The following LSM3 variants were observed in gnomAD, a reference collection of about 807,000 sequenced individuals.
LSM3 encodes LSM3 homolog, U6 small nuclear RNA and mRNA degradation associated.
In LSM3, 14 loss-of-function variants were observed where a neutral mutation model predicts 15.4. That is an observed-to-expected ratio of 0.91 (90% CI 0.60 to 1.42). The LOEUF (loss-of-function observed/expected upper bound fraction) is 1.42. Among genes scored for constraint, LSM3 ranks in the 40% most tolerant of loss-of-function variants. LSM3 has a pLI of 0.00. For missense variants in LSM3, 88 were observed against 127.9 expected (o/e 0.69, Z 1.50); for synonymous variants, 46 against 45.1 (o/e 1.02, Z -0.08).
chr3:14,197,706 T>C (rs1697198687), intron 3 of LSM3, among the ~76,000 whole-genome samples: 1 of 152,254 alleles, frequency 6.6e-6, no homozygotes, highest in Non-Finnish European at 1.5e-5. Flanking sequence ...TCTGGGTCAG[T>C]CTGGATATAG....
chr3:14,182,890 A>G (rs1272131394), intron 2 of LSM3, among the ~76,000 whole-genome samples: 2 of 152,186 alleles, frequency 1.3e-5, no homozygotes, highest in South Asian at 4.1e-4. Context: ...ACTCTTAAGT[A>G]CTGTGGTTCC....
intron 3 of LSM3, among the ~76,000 whole-genome samples, chr3:14,193,220 C>T (rs1697157252): frequency 6.6e-6 from 1 of 152,150 alleles, no homozygotes; most frequent in African/African-American, 2.4e-5. Flanking sequence ...TTTTTTCCTT[C>T]ATTTCAACCT....
intron 3 of LSM3, among the ~76,000 whole-genome samples, chr3:14,187,659 C>T (rs941283839): frequency 1.3e-5 from 2 of 152,214 alleles, no homozygotes; most frequent in Non-Finnish European, 2.9e-5. Flanking sequence ...ATTTCGCTCT[C>T]TCTCTCGTCT....
rs115217939 is a variant in LSM3, at chr3:14,186,942, C to G, written c.228+2910C>G. Among the ~76,000 whole-genome samples, 862 of 152,294 alleles carry G rather than the reference C, an allele frequency of 5.7e-3. 7 individuals are homozygous for G. Among genetic ancestry groups the G allele is most frequent in the African/African-American group, 0.02 (826 of 41,564 alleles). Reference sequence around the variant, plus strand: ...ATATGGAATATGTGGCTTTAATATTCTGCTTTATTCATGTAACATCATTAA... The same window carrying G: ...ATATGGAATATGTGGCTTTAATATTGTGCTTTATTCATGTAACATCATTAA... On this transcript the variant is annotated intron_variant, in intron 3 of 3. Coordinates refer to ENST00000306024, the MANE Select transcript of LSM3 (RefSeq NM_014463.3).
At chr3:14,180,623 T>A (rs1697025210) in intron 1 of LSM3, among the ~76,000 whole-genome samples, 1 of 151,896 alleles carries the variant, frequency 6.6e-6, no homozygotes, top group Admixed American at 6.6e-5. Flanking sequence ...TATTTTCTGT[T>A]TTCCTGGCAC....
intron 3 of LSM3, among the ~76,000 whole-genome samples, chr3:14,189,951 A>G (rs1487834040): frequency 2.0e-5 from 3 of 152,088 alleles, no homozygotes; most frequent in Non-Finnish European, 2.9e-5. Flanking sequence ...TAAGTCTTTG[A>G]TCCATCTTGA....
intron 1 of LSM3, among the ~76,000 whole-genome samples, chr3:14,180,018 T>C (rs1167047251): frequency 1.3e-5 from 2 of 152,354 alleles, no homozygotes; most frequent in South Asian, 4.1e-4. Flanking sequence ...CTGAGGGACA[T>C]AGGGACCAGT....
At chr3:14,196,888 C>T (rs762025920) in intron 3 of LSM3, among the ~76,000 whole-genome samples, 2 of 152,196 alleles carry the variant, frequency 1.3e-5, no homozygotes, top group African/African-American at 2.4e-5. Context: ...TACATCCAAA[C>T]AATTCAAAGG....
chr3:14,193,738 G>A (rs551219019), intron 3 of LSM3, among the ~76,000 whole-genome samples: 15 of 152,232 alleles, frequency 9.9e-5, no homozygotes, highest in Middle Eastern at 3.4e-3. Context: ...CATTTAGCTC[G>A]GAGTTGTTTG....
At chr3:14,195,093 G>A (rs893772975) in intron 3 of LSM3, among the ~76,000 whole-genome samples, 9 of 152,100 alleles carry the variant, frequency 5.9e-5, no homozygotes, top group East Asian at 5.8e-4. Flanking sequence ...ATTATTCTAC[G>A]TAGGTTTCCT....
intron 1 of LSM3, among the ~76,000 whole-genome samples, chr3:14,179,910 C>G (rs1252144936): frequency 1.3e-5 from 2 of 152,202 alleles, no homozygotes; most frequent in East Asian, 3.8e-4. Context: ...GTATGCCTCT[C>G]CACAGTAGAA....
intron 3 of LSM3, among the ~76,000 whole-genome samples, chr3:14,187,339 C>A (rs996208996): frequency 6.6e-6 from 1 of 152,224 alleles, no homozygotes; most frequent in African/African-American, 2.4e-5. Context: ...TGCATGTGGC[C>A]TCTCTTGCGC....
chr3:14,190,079 A>C (rs2124823811), intron 3 of LSM3, among the ~76,000 whole-genome samples: 1 of 152,218 alleles, frequency 6.6e-6, no homozygotes. Flanking sequence ...GCTTGTGTGC[A>C]TCAGGTTTGT....
chr3:14,193,792 C>T (rs112894014), intron 3 of LSM3, among the ~76,000 whole-genome samples: 4 of 152,306 alleles, frequency 2.6e-5, no homozygotes, highest in African/African-American at 7.2e-5. Flanking sequence ...GTTCATCAGA[C>T]TCATTCTCCG....
intron 3 of LSM3, 93 bp downstream of exon 3, chr3:14,184,125 T>C (rs1320502582): frequency 2.1e-6 from 3 of 1,433,104 alleles, no homozygotes; most frequent in East Asian, 5.1e-5. Flanking sequence ...TGTCATGTTT[T>C]GACACCTACT....
chr3:14,181,347 G>T (rs567856705), intron 1 of LSM3, among the ~76,000 whole-genome samples: 1 of 152,172 alleles, frequency 6.6e-6, no homozygotes, highest in Non-Finnish European at 1.5e-5. Flanking sequence ...TATATAGCAC[G>T]TATTATGTGA....
intron 3 of LSM3, among the ~76,000 whole-genome samples, chr3:14,191,603 G>T (rs1037117409): frequency 6.6e-6 from 1 of 152,168 alleles, no homozygotes; most frequent in Non-Finnish European, 1.5e-5. Context: ...ATGGTAGTTT[G>T]TATTTCTGTG....
chr3:14,191,656 A>G (rs150301720), intron 3 of LSM3, among the ~76,000 whole-genome samples: 12 of 152,146 alleles, frequency 7.9e-5, no homozygotes, highest in Admixed American at 2.6e-4. Context: ...TATTGCGTCT[A>G]TTTGATTCTT....
chr3:14,180,787 G>A (rs557298673), intron 1 of LSM3, among the ~76,000 whole-genome samples: 6 of 139,914 alleles, frequency 4.3e-5, no homozygotes, highest in Admixed American at 1.5e-4. Context: ...AGTTGAACCC[G>A]GACTGCCTGA....
Sources: allele counts gnomAD v4.1 joint callset (sites outside exome capture counted in the v4.1 genomes callset), GRCh38; gene constraint gnomAD v4.1.1; transcripts MANE v1.5; gene names NCBI Gene and HGNC (gene_info 2026-07-23, HGNC 2026-07-21).